Variants in TCF4 observed in about 807,000 individuals in gnomAD.
The protein encoded by TCF4 is transcription factor 4.
TCF4 carries 3 observed loss-of-function variants against 82.1 expected under a neutral mutation model. The ratio of observed to expected loss-of-function variants is 0.04; its 90% confidence interval spans 0.02 to 0.09. The LOEUF is 0.09. TCF4 is among the 10% of genes least tolerant of loss of function. The pLI is 1.00. For missense variants in TCF4, 518 were observed against 852.7 expected (o/e 0.61, Z 4.89); for synonymous variants, 276 against 309.6 (o/e 0.89, Z 1.14).
intron 3 of TCF4, among the ~76,000 whole-genome samples, chr18:55,549,130 G>T (rs186075383): frequency 6.6e-6 from 1 of 151,858 alleles, no homozygotes; most frequent in African/African-American, 2.4e-5. Context: ...GCAAAACCCC[G>T]TCACCACAAA....
intron 3 of TCF4, among the ~76,000 whole-genome samples, chr18:55,558,651 T>C (rs2097326760): frequency 6.6e-6 from 1 of 152,166 alleles, no homozygotes; most frequent in African/African-American, 2.4e-5. Context: ...TCTTAATAGA[T>C]TACATTGGGC....
intron 2 of TCF4, among the ~76,000 whole-genome samples, chr18:55,617,526 T>A (rs995687247): frequency 1.3e-5 from 2 of 152,148 alleles, no homozygotes; most frequent in African/African-American, 4.8e-5. Context: ...CTTTGAGTAC[T>A]ATGAACATTT....
intron 16 of TCF4, among the ~76,000 whole-genome samples, chr18:55,233,816 CAA>C (rs34564671): frequency 8.3e-4 from 52 of 62,950 alleles, no homozygotes; most frequent in African/African-American, 1.8e-3. Context: ...GAGGCTCTGT[CAA>C]AAAAAAAAAA....
At chr18:55,323,403 G>T (rs2076037949) in intron 8 of TCF4, among the ~76,000 whole-genome samples, 1 of 152,112 alleles carries the variant, frequency 6.6e-6, no homozygotes, top group Non-Finnish European at 1.5e-5. Context: ...TAGTGGTGTT[G>T]GTTCCGAGGA....
At chr18:55,448,887 T>C (rs2095572312) in intron 5 of TCF4, among the ~76,000 whole-genome samples, 1 of 152,138 alleles carries the variant, frequency 6.6e-6, no homozygotes, top group African/African-American at 2.4e-5. Context: ...CTCATGAGGG[T>C]AAGGGGCAAA....
intron 3 of TCF4, among the ~76,000 whole-genome samples, chr18:55,489,127 G>T (rs2096548851): frequency 6.6e-6 from 1 of 152,158 alleles, no homozygotes; most frequent in Admixed American, 6.5e-5. Context: ...ATCAGGATGT[G>T]GGGGCACCCA....
intron 5 of TCF4, chr18:55,404,062 G>A (rs1020774179): frequency 5.4e-6 from 6 of 1,108,586 alleles, no homozygotes; most frequent in Non-Finnish European, 5.5e-6. Flanking sequence ...TCAAGATGAT[G>A]ATGGAATTTA....
At chr18:55,271,511 CATGA>C (rs2060373670) in intron 10 of TCF4, among the ~76,000 whole-genome samples, 2 of 152,096 alleles carry the variant, frequency 1.3e-5, no homozygotes, top group African/African-American at 4.8e-5. Context: ...TTCAAAGACG[CATGA>C]ATGTTTTTGA....
chr18:55,456,717 C>A (rs190020733), intron 5 of TCF4, among the ~76,000 whole-genome samples: 1 of 152,026 alleles, frequency 6.6e-6, no homozygotes, highest in African/African-American at 2.4e-5. Context: ...TTTTTAATGT[C>A]CATATTCTTT....
chr18:55,251,739 G>A (rs2055173452), intron 15 of TCF4, among the ~76,000 whole-genome samples: 1 of 152,168 alleles, frequency 6.6e-6, no homozygotes, highest in Non-Finnish European at 1.5e-5. Flanking sequence ...ACAAACGAAG[G>A]TGTGTAGTTG....
At chr18:55,473,954 C>T (rs898998041) in intron 3 of TCF4, among the ~76,000 whole-genome samples, 2 of 152,182 alleles carry the variant, frequency 1.3e-5, no homozygotes, top group African/African-American at 4.8e-5. Flanking sequence ...CTTAAGCAAA[C>T]AAGCCAGATT....
intron 11 of TCF4, among the ~76,000 whole-genome samples, chr18:55,263,523 C>A (rs1481137311): frequency 6.6e-6 from 1 of 152,070 alleles, no homozygotes; most frequent in East Asian, 1.9e-4. Flanking sequence ...ATCGCTTGAA[C>A]CTGGGAGGCG....
chr18:55,332,085 T>C (rs2147781595), intron 8 of TCF4: 1 of 152,340 alleles, frequency 6.6e-6, no homozygotes, highest in African/African-American at 2.4e-5. Flanking sequence ...AAATGTTCTT[T>C]AATTTTTTTT....
chr18:55,370,603 T>C (rs1420515731), intron 6 of TCF4, among the ~76,000 whole-genome samples: 1 of 152,130 alleles, frequency 6.6e-6, no homozygotes, highest in Non-Finnish European at 1.5e-5. Context: ...ATGGCGATGT[T>C]TTTCTCAGAA....
intron 5 of TCF4, among the ~76,000 whole-genome samples, chr18:55,407,950 A>G (rs2094176543): frequency 6.6e-6 from 1 of 152,140 alleles, no homozygotes; most frequent in Non-Finnish European, 1.5e-5. Context: ...TACTTCTAAG[A>G]AGGATCACCT....
rs1285770614 is a variant in TCF4 at position 55,234,622 on chromosome 18, T to C, written c.1412A>G (p.Gln471Arg). Residue 471 changes from glutamine (Q) to arginine (R), a missense_variant, in exon 16 of 20, where the codon CAG becomes CGG. Coordinates refer to ENST00000354452, the MANE Select transcript of TCF4 (RefSeq NM_001083962.2). ...LRGSHSLLPN[Q>R]VPVPQLPVQS... is the part of the protein sequence containing the mutation. Reference sequence around the variant, plus strand: ...GACAGGAAGCTGTGGAACCGGAACCTGGTTTGGCAGAAGAGAATGGCTGCC... The same window carrying C: ...GACAGGAAGCTGTGGAACCGGAACCCGGTTTGGCAGAAGAGAATGGCTGCC... 3 of 1,613,974 alleles carry C rather than the reference T, an allele frequency of 1.9e-6. No homozygotes were observed. In the African/African-American group the frequency reaches 4.0e-5, roughly 22 times the overall value.
chr18:55,442,597 C>A (rs967019415), intron 5 of TCF4, among the ~76,000 whole-genome samples: 1 of 152,142 alleles, frequency 6.6e-6, no homozygotes, highest in Non-Finnish European at 1.5e-5. Flanking sequence ...AAAAATAACA[C>A]ATAGGAAGTC....
At chr18:55,265,598 T>C (rs2058979844) in intron 11 of TCF4, 1 of 152,334 alleles carries the variant, frequency 6.6e-6, no homozygotes, top group East Asian at 1.9e-4. Flanking sequence ...ACAATTCTTA[T>C]TACTCTTATG....
At chr18:55,527,956 G>A (rs1476667255) in intron 3 of TCF4, among the ~76,000 whole-genome samples, 1 of 152,126 alleles carries the variant, frequency 6.6e-6, no homozygotes, top group Non-Finnish European at 1.5e-5. Flanking sequence ...GCCAATTTGG[G>A]AGAAAAAGAA....
Sources: allele counts gnomAD v4.1 joint callset (sites outside exome capture counted in the v4.1 genomes callset), GRCh38; gene constraint gnomAD v4.1.1; transcripts MANE v1.5; gene names NCBI Gene and HGNC (gene_info 2026-07-23, HGNC 2026-07-21).